The following EPN1 variants were observed in gnomAD, a reference collection of about 807,000 sequenced individuals.
EPN1 encodes epsin-1.
Under a neutral mutation model 56.9 loss-of-function variants are expected in EPN1, and 25 were observed. The ratio of observed to expected loss-of-function variants is 0.44; its 90% CI spans 0.32 to 0.61. The LOEUF is 0.61. Among genes scored for constraint, EPN1 ranks in the 20% least tolerant of loss-of-function variants. EPN1 has a pLI of 0.05. For missense variants in EPN1, 785 were observed against 823.7 expected (o/e 0.95, Z 0.58); for synonymous variants, 411 against 361.8 (o/e 1.14, Z -1.54).
chr19:55,678,519 C>T lies in EPN1; in HGVS notation c.-101-8C>T. 1 of 1,537,570 alleles carries T rather than the reference C, an allele frequency of 6.5e-7. No homozygotes were observed. The highest frequency in any genetic ancestry group is 1.7e-4 in the Middle Eastern group (1 of 5,964). ...TTTGTGTTTCCAGAGGTCCTCTTCC[C>T]CTCGCAGATGCGGTGACCTGCCAGC... On this transcript the variant is annotated splice_polypyrimidine_tract_variant and splice_region_variant and intron_variant, in intron 1 of 10. Transcript: ENST00000270460.
At position 55,704,111 on chromosome 19, in the gene EPN1, C is replaced by G. The variant is rs996653797; in HGVS notation, c.*8755C>G. On this transcript the variant is annotated 3_prime_UTR_variant, in exon 11 of 11. Transcript: ENST00000270460. ...TCTCGCGGGCTCTTACTCGTGGTCC[C>G]GGTCTCCTCCTGGTCCCCACCTTCC... 1 of 152,360 alleles carries G rather than the reference C, an allele frequency of 6.6e-6. No homozygotes were observed. Among genetic ancestry groups the G allele is most frequent in the Non-Finnish European group, 1.5e-5 (1 of 68,116 alleles). 9.4% of individuals were successfully genotyped at this position (152,360 alleles called of 1,614,324 possible).
At chr19:55,682,099 C>G (rs1466857214) in intron 2 of EPN1, among the ~76,000 whole-genome samples, 2 of 152,154 alleles carry the variant, frequency 1.3e-5, no homozygotes, top group Non-Finnish European at 2.9e-5. Flanking sequence ...AGCCACTACA[C>G]CTGGCCCACT....
intron 3 of EPN1, among the ~76,000 whole-genome samples, chr19:55,687,617 C>T (rs1193976247): frequency 3.9e-5 from 6 of 152,054 alleles, no homozygotes; most frequent in East Asian, 1.9e-4. Flanking sequence ...CAGGAGGGGC[C>T]ACAGGGGTGT....
At chr19:55,684,148 T>C (rs1398903768) in intron 2 of EPN1, among the ~76,000 whole-genome samples, 1 of 152,196 alleles carries the variant, frequency 6.6e-6, no homozygotes, top group Non-Finnish European at 1.5e-5. Flanking sequence ...TAACACACCT[T>C]TGAAAGGCCT....
rs530943428 is a variant in EPN1, at chr19:55,685,777, C to T, written c.478+132C>T. 19 of 1,195,118 alleles carry T rather than the reference C, an allele frequency of 1.6e-5. No individual in the cohort carries two copies. The South Asian group carries it at 2.2e-4, about 14-fold the overall frequency. The allele number at this position is 1,195,118 out of a possible 1,614,324, so 74.0% of individuals were successfully genotyped here. On this transcript the variant is annotated intron_variant, in intron 3 of 10. Transcript: ENST00000270460. ...CGGCATCCCCCTTTGCTTCTCCTCA[C>T]CTGGGCCCCTTGCTCTGGTCTCACT...
chr19:55,702,201 T>C lies in EPN1; in HGVS notation c.*6845T>C, dbSNP rs1234300956. The C allele has an allele frequency of 6.6e-6, 1 of 151,296 alleles. No homozygotes were observed. The highest frequency in any genetic ancestry group is 1.5e-5 in the Non-Finnish European group (1 of 67,948). 9.4% of individuals were successfully genotyped at this position (151,296 alleles called of 1,614,324 possible). A position where few individuals can be genotyped will look rare whatever the true frequency, so the allele number is the denominator to read the frequency against. On this transcript the variant is annotated 3_prime_UTR_variant, in exon 11 of 11. Coordinates refer to ENST00000270460, the MANE Select transcript of EPN1 (RefSeq NM_001130072.2). ...GTCTCCAACTCCTGACCTCAAGTGA[T>C]CCGCCTGCCTCGGCCTCCCAAAGTA...
Position 55,702,087 on chromosome 19 carries a change from G to C in EPN1, c.*6731G>C, listed in dbSNP as rs544466236. ...AGCAATTCTCGTGCCTCAGCCTCCC[G>C]CGTAGTCGGGATTACAGGTGCATGC... is the stretch of plus-strand genomic sequence containing the variant. On this transcript the variant is annotated 3_prime_UTR_variant, in exon 11 of 11. Transcript: ENST00000270460. The C allele has an allele frequency of 6.6e-6, 1 of 150,586 alleles. No homozygotes were observed. Among genetic ancestry groups the C allele is most frequent in the Non-Finnish European group, 1.5e-5 (1 of 68,028 alleles). The allele number at this position is 150,586 out of a possible 1,614,324, so 9.3% of individuals were successfully genotyped here.
In EPN1 at chr19:55,696,255, CTG is replaced by C. The variant is rs1986905686; in HGVS notation, c.*901_*902del. The C allele has an allele frequency of 6.6e-6, 1 of 152,418 alleles. No homozygotes were observed. The highest frequency in any genetic ancestry group is 2.4e-5 in the African/African-American group (1 of 41,452). The allele number at this position is 152,418 out of a possible 1,614,324, so 9.4% of individuals were successfully genotyped here. A position where few individuals can be genotyped will look rare whatever the true frequency, so the allele number is the denominator to read the frequency against. On this transcript the variant is annotated 3_prime_UTR_variant, in exon 11 of 11. Transcript: ENST00000270460. ...GCGCCTCCTGGTTGTCCTCTGTGTG[CTG>C]TTTTCCTCTGTGTGCTCTTGTCCTG...
rs1985587220 is a variant in EPN1 at position 55,678,514 on chromosome 19, C to CT, written c.-101-11dup. The CT allele has an allele frequency of 6.5e-7, 1 of 1,535,018 alleles. No individual in the cohort carries two copies. The highest frequency in any genetic ancestry group is 1.4e-5 in the African/African-American group (1 of 73,064). On this transcript the variant is annotated splice_polypyrimidine_tract_variant and intron_variant, in intron 1 of 10. Coordinates refer to ENST00000270460, the MANE Select transcript of EPN1 (RefSeq NM_001130072.2). ...TCCCATTTGTGTTTCCAGAGGTCCT[C>CT]TTCCCCTCGCAGATGCGGTGACCTG... is the stretch of plus-strand genomic sequence containing the variant.
chr19:55,693,037 G>A lies in EPN1; in HGVS notation c.1264G>A (p.Gly422Arg), dbSNP rs772954539. The change falls in exon 9 of 11, where the codon GGA becomes AGA. Residue 422 changes from glycine (G) to arginine (R), a missense_variant and splice_region_variant. Gly to Arg is a moderately radical substitution (Grantham distance 125, BLOSUM62 -2). Transcript: ENST00000270460. ...TALPTSGSSA[G>R]ELELLAGEVP... ...ACTGCCGACCTCCGGGAGCAGCGCA[G>A]GTGAGCCCCTGCCCTCCCCTGCCCA... 8 of 1,612,318 alleles carry A rather than the reference G, an allele frequency of 5.0e-6. No individual in the cohort carries two copies. The South Asian group carries it at 8.8e-5, about 18-fold the overall frequency.
Position 55,689,090 on chromosome 19 carries a change from TC to T in EPN1, c.603+97del. 1 of 1,442,220 alleles carries T rather than the reference TC, an allele frequency of 6.9e-7. No homozygotes were observed. Among genetic ancestry groups the T allele is most frequent in the Non-Finnish European group, 9.2e-7 (1 of 1,088,152 alleles). The allele number at this position is 1,442,220 out of a possible 1,614,324, so 89.3% of individuals were successfully genotyped here. A position where few individuals can be genotyped will look rare whatever the true frequency, so the allele number is the denominator to read the frequency against. On this transcript the variant is annotated intron_variant, in intron 4 of 10. Coordinates refer to ENST00000270460, the MANE Select transcript of EPN1 (RefSeq NM_001130072.2). This position sits in a 1 kb window ranked among gnomAD's most constrained non-coding sequence, Gnocchi z 5.7. Reference sequence around the variant, plus strand: ...CCAGGCGTGGGCCTGGCCCTCACTGTCGCTGCTCCACATGCTGTCACTCGTC... The same window carrying T: ...CCAGGCGTGGGCCTGGCCCTCACTGTGCTGCTCCACATGCTGTCACTCGTC...
In EPN1 at chr19:55,694,449, A is replaced by T. The variant is rs1016677550; in HGVS notation, c.1265-277A>T. The T allele has an allele frequency of 2.5e-6, 1 of 397,150 alleles. No homozygotes were observed. The highest frequency in any genetic ancestry group is 2.1e-5 in the African/African-American group (1 of 48,666). 24.6% of individuals were successfully genotyped at this position (397,150 alleles called of 1,614,324 possible). ...TAGACCCTGGACGGCCCCACCCTGA[A>T]GCAGTTGCTGCCCTCTGGTTGTCAG... On this transcript the variant is annotated intron_variant, in intron 9 of 10. Transcript: ENST00000270460. This position sits in a 1 kb window ranked among gnomAD's most constrained non-coding sequence, Gnocchi z 4.2.
rs1986866821 is a variant in EPN1, at chr19:55,695,478, G to A, written c.*122G>A. 1.6e-6 allele frequency: 1 copy of A among 622,622 alleles called. No homozygotes were observed. The highest frequency in any genetic ancestry group is 2.8e-6 in the Non-Finnish European group (1 of 354,858). The allele number at this position is 622,622 out of a possible 1,614,324, so 38.6% of individuals were successfully genotyped here. A position where few individuals can be genotyped will look rare whatever the true frequency, so the allele number is the denominator to read the frequency against. ...CCCCAGTGCCCTTCCCCTTCCTGGGGCCCACTCACACTACACCCTCTTCCT... is the reference window on the plus strand; with the variant it reads ...CCCCAGTGCCCTTCCCCTTCCTGGGACCCACTCACACTACACCCTCTTCCT... On this transcript the variant is annotated 3_prime_UTR_variant, in exon 11 of 11. Transcript: ENST00000270460. This position sits in a 1 kb window ranked among gnomAD's most constrained non-coding sequence, Gnocchi z 4.4.
rs141486979 is a variant in EPN1 at position 55,700,482 on chromosome 19, G to A, written c.*5126G>A. 2 of 144,522 alleles carry A rather than the reference G, an allele frequency of 1.4e-5. No homozygotes were observed. Among genetic ancestry groups the A allele is most frequent in the South Asian group, 2.1e-4 (1 of 4,806 alleles). 9.0% of individuals were successfully genotyped at this position (144,522 alleles called of 1,614,324 possible). A position where few individuals can be genotyped will look rare whatever the true frequency, so the allele number is the denominator to read the frequency against. ...TTTCACCATATTGGCCAGGCTGGTC[G>A]AACTCCTGACCTTGTGATCCACCCG... On this transcript the variant is annotated 3_prime_UTR_variant, in exon 11 of 11. Coordinates refer to ENST00000270460, the MANE Select transcript of EPN1 (RefSeq NM_001130072.2).
rs528359896 is a variant in EPN1, at chr19:55,691,263, A to G, written c.763-491A>G. ...GCGGGGCAACGTAGGGGGCATCGTG[A>G]GGGGTGCTCAGGTTGACCTGAGTGG... is the stretch of plus-strand genomic sequence containing the variant. On this transcript the variant is annotated intron_variant, in intron 6 of 10. Coordinates refer to ENST00000270460, the MANE Select transcript of EPN1 (RefSeq NM_001130072.2). The surrounding 1 kb of genome is among the most constrained non-coding windows in gnomAD (Gnocchi z 5.6). Among the ~76,000 whole-genome samples the G allele has an allele frequency of 1.6e-4, 24 of 151,494 alleles. No homozygotes were observed. Among genetic ancestry groups the G allele is most frequent in the African/African-American group, 5.3e-4 (22 of 41,196 alleles).
rs376939806 is a variant in EPN1, at chr19:55,692,731, C to G, written c.1112C>G (p.Pro371Arg). 1 of 1,569,750 alleles carries G rather than the reference C, an allele frequency of 6.4e-7. No homozygotes were observed. The highest frequency in any genetic ancestry group is 8.6e-7 in the Non-Finnish European group (1 of 1,157,840). ...SGPSASDPWT[P>R]APAFSDPWGG... ...CCCTCAGCCTCCGATCCCTGGACAC[C>G]GGCCCCGGCCTTCTCAGATCCCTGG... is the stretch of plus-strand genomic sequence containing the variant. The change falls in exon 8 of 11, where the codon CCG (proline) becomes CGG (arginine). Residue 371 changes from proline (P) to arginine (R), a missense_variant. By Grantham distance (103) the Pro-to-Arg change is moderately radical (BLOSUM62 -2). Coordinates refer to ENST00000270460, the MANE Select transcript of EPN1 (RefSeq NM_001130072.2).
Position 55,708,967 on chromosome 19 carries a change from A to T in EPN1, c.*13611A>T. On this transcript the variant is annotated 3_prime_UTR_variant, in exon 11 of 11. Transcript: ENST00000270460. ...CTCGTCAATCCAAGGTCCATGTGAA[A>T]TGGTCAGATGGGGAATTTTTTCTTC... 1 of 1,591,056 alleles carries T rather than the reference A, an allele frequency of 6.3e-7. No individual in the cohort carries two copies. Among genetic ancestry groups the T allele is most frequent in the African/African-American group, 1.4e-5 (1 of 73,554 alleles).
chr19:55,676,078 T>G (rs1985398104), intron 1 of EPN1, among the ~76,000 whole-genome samples: 1 of 152,230 alleles, frequency 6.6e-6, no homozygotes, highest in African/African-American at 2.4e-5. Flanking sequence ...TGTCAAAACC[T>G]CAGTTTCCTA....
chr19:55,677,832 T>G, intron 1 of EPN1: 2 of 1,391,958 alleles, frequency 1.4e-6, no homozygotes, highest in South Asian at 1.7e-5. Context: ...CCTCTGCCCT[T>G]GTTCCAGAGG....
Sources: allele counts gnomAD v4.1 joint callset (sites outside exome capture counted in the v4.1 genomes callset), GRCh38; gene constraint gnomAD v4.1.1; non-coding constraint Gnocchi (gnomAD v3.1); transcripts MANE v1.5; gene names NCBI Gene and HGNC (gene_info 2026-07-23, HGNC 2026-07-21).